Variants in DGKD observed in about 807,000 individuals in gnomAD.
DGKD encodes the protein DAG kinase delta.
A neutral mutation model predicts 154.4 loss-of-function variants in DGKD; 68 were observed. The observed-to-expected ratio is 0.44, with a 90% confidence interval of 0.36 to 0.54. The LOEUF (loss-of-function observed/expected upper bound fraction) is 0.54. DGKD is among the 20% of genes least tolerant of loss of function. The probability of loss-of-function intolerance (pLI) is 0.00; values close to 1 mark genes in which losing one functional copy is unlikely to be tolerated. For synonymous variants in DGKD, 693 were observed against 638.0 expected (o/e 1.09, Z -1.30); for missense variants, 1,343 against 1,593.6 (o/e 0.84, Z 2.68).
At chr2:233,414,870 G>T (rs1205411143) in intron 3 of DGKD, among the ~76,000 whole-genome samples, 1 of 152,148 alleles carries the variant, frequency 6.6e-6, no homozygotes, top group Non-Finnish European at 1.5e-5. Flanking sequence ...AACCATTTTT[G>T]TCTGTACACT....
chr2:233,457,627 G>A lies in DGKD; in HGVS notation c.2580+299G>A, dbSNP rs2063502483. On this transcript the variant is annotated intron_variant, in intron 21 of 29. Coordinates refer to ENST00000264057, the MANE Select transcript of DGKD (RefSeq NM_152879.3). The surrounding 1 kb of genome is among the most constrained non-coding windows in gnomAD (Gnocchi z 5.5). ...TCTGGGAGGCCAAGACCTGAAGGAT[G>A]AGTTGGAGTTGGCTAAGTTAGGTGG... 1.9e-6 allele frequency: 1 copy of A among 527,958 alleles called. No individual in the cohort carries two copies. Among genetic ancestry groups the A allele is most frequent in the Non-Finnish European group, 3.7e-6 (1 of 273,230 alleles). 32.7% of individuals were successfully genotyped at this position (527,958 alleles called of 1,614,324 possible). A position where few individuals can be genotyped will look rare whatever the true frequency, so the allele number is the denominator to read the frequency against.
At position 233,354,615 on chromosome 2, in the gene DGKD, C is replaced by T. The variant is rs867873568; in HGVS notation, c.97C>T (p.Pro33Ser). 2.2e-5 allele frequency: 25 copies of T among 1,128,620 alleles called. No individual in the cohort carries two copies. Among genetic ancestry groups the T allele is most frequent in the Non-Finnish European group, 2.5e-5 (23 of 904,470 alleles). The allele number at this position is 1,128,620 out of a possible 1,614,324, so 69.9% of individuals were successfully genotyped here. The change falls in exon 1 of 30, where the codon CCC becomes TCC. Residue 33 changes from proline to serine, a missense_variant. Transcript: ENST00000264057. This position sits in a 1 kb window ranked among gnomAD's most constrained non-coding sequence, Gnocchi z 4.8. ...GTCCGACAGCGAGCCCGAGGCGGAG[C>T]CCGGCTCCCCACAGAAGCTCATCCG... is the stretch of plus-strand genomic sequence containing the variant. Reference protein sequence around the residue: ...ESSDSEPEAEPGSPQKLIRKV... With the variant: ...ESSDSEPEAESGSPQKLIRKV...
rs1455114965 is a variant in DGKD, at chr2:233,449,429, C to T, written c.1888+53C>T. 6.5e-6 allele frequency: 10 copies of T among 1,542,682 alleles called. No homozygotes were observed. Among genetic ancestry groups the T allele is most frequent in the Non-Finnish European group, 8.8e-6 (10 of 1,139,184 alleles). On this transcript the variant is annotated intron_variant, in intron 15 of 29. Transcript: ENST00000264057. This position sits in a 1 kb window ranked among gnomAD's most constrained non-coding sequence, Gnocchi z 5.3. Reference sequence around the variant, plus strand: ...TTTCCTCAGGCCAGCACTGGGCATGCCCAGCGTCCCCTGAACACGGAGATG... The same window carrying T: ...TTTCCTCAGGCCAGCACTGGGCATGTCCAGCGTCCCCTGAACACGGAGATG...
At chr2:233,437,096 G>A (rs1375943358) in intron 7 of DGKD, among the ~76,000 whole-genome samples, 2 of 152,230 alleles carry the variant, frequency 1.3e-5, no homozygotes, top group Non-Finnish European at 2.9e-5. Flanking sequence ...AGCTGTGGTC[G>A]AAGGGCCAGA....
chr2:233,454,687 A>C (rs2063399274), intron 18 of DGKD, 76 bp from the exon 19 acceptor site: 1 of 839,926 alleles, frequency 1.2e-6, no homozygotes. Flanking sequence ...AGGAAGAGAA[A>C]TGCTGAGAGG....
At chr2:233,422,573 G>A (rs1455633628) in intron 3 of DGKD, among the ~76,000 whole-genome samples, 3 of 152,118 alleles carry the variant, frequency 2.0e-5, no homozygotes, top group East Asian at 1.9e-4. Flanking sequence ...TTTTCTTGGC[G>A]TCAGATGTTT....
intron 17 of DGKD, among the ~76,000 whole-genome samples, chr2:233,451,328 A>G (rs2063286179): frequency 6.6e-6 from 1 of 151,940 alleles, no homozygotes; most frequent in East Asian, 1.9e-4. Flanking sequence ...TGGAAGAATT[A>G]AGGAATTATC....
At chr2:233,390,291 G>T (rs1703512112) in intron 2 of DGKD, 112 bp from the exon 3 acceptor site, 2 of 668,702 alleles carry the variant, frequency 3.0e-6, no homozygotes, top group African/African-American at 1.8e-5. Context: ...AGGTACTGGG[G>T]CTTCTGTGGG....
intron 1 of DGKD, among the ~76,000 whole-genome samples, chr2:233,374,522 A>T (rs1331610183): frequency 2.6e-5 from 4 of 152,114 alleles, no homozygotes; most frequent in Non-Finnish European, 5.9e-5. Context: ...TTTTGTAGAG[A>T]TGGCATCTCA....
rs1308282773 is a variant in DGKD at position 233,457,268 on chromosome 2, C to A, written c.2520C>A (p.Val840=). The A allele has an allele frequency of 6.5e-7, 1 of 1,528,918 alleles. No individual in the cohort carries two copies. The allele number at this position is 1,528,918 out of a possible 1,614,324, so 94.7% of individuals were successfully genotyped here. A position where few individuals can be genotyped will look rare whatever the true frequency, so the allele number is the denominator to read the frequency against. The change falls in exon 21 of 30, where the codon GTC becomes GTA. Residue 840 remains valine (V), a synonymous_variant. Coordinates refer to ENST00000264057, the MANE Select transcript of DGKD (RefSeq NM_152879.3). The surrounding 1 kb of genome is among the most constrained non-coding windows in gnomAD (Gnocchi z 5.5). ...TCCCCAGTCTTCAGGGAATTGCTGT[C>A]CTTAACATTCCCAGCTATGCCGGAG... ...IPLPSLQGIA[V]LNIPSYAGGT... is the part of the protein sequence containing the mutation.
At chr2:233,402,440 G>C (rs761562345) in intron 3 of DGKD, among the ~76,000 whole-genome samples, 6 of 152,204 alleles carry the variant, frequency 3.9e-5, no homozygotes, top group Non-Finnish European at 5.9e-5. Flanking sequence ...TGTCTTGGCA[G>C]CTTAGGGTCC....
At chr2:233,468,813 G>A (rs765668135) in intron 29 of DGKD, among the ~76,000 whole-genome samples, 4 of 152,214 alleles carry the variant, frequency 2.6e-5, no homozygotes, top group Admixed American at 6.5e-5. Flanking sequence ...GACTGTCTTC[G>A]TGTTAAAAAC....
At chr2:233,383,418 A>G (rs1703004101) in intron 1 of DGKD, among the ~76,000 whole-genome samples, 1 of 151,482 alleles carries the variant, frequency 6.6e-6, no homozygotes. Context: ...TTTTTTTCCC[A>G]CCTTGGCTTT....
chr2:233,360,984 GTTTTTTTTTTTT>G (rs10580286), intron 1 of DGKD, among the ~76,000 whole-genome samples: 1 of 129,098 alleles, frequency 7.7e-6, no homozygotes, highest in African/African-American at 3.2e-5. Flanking sequence ...AGACAGTCAA[GTTTTTTTTTTTT>G]TTTTTTTTTT....
Position 233,470,859 on chromosome 2 carries a change from T to G in DGKD, c.*1399T>G, listed in dbSNP as rs1366388457. ...GGGAGTATCTGCCGTGGCTTCTCTT[T>G]GGCTCCCAAAGAGAAGGACAGTGTT... is the stretch of plus-strand genomic sequence containing the variant. On this transcript the variant is annotated 3_prime_UTR_variant, in exon 30 of 30. Transcript: ENST00000264057. 2 of 143,094 alleles carry G rather than the reference T, an allele frequency of 1.4e-5. No homozygotes were observed. The highest frequency in any genetic ancestry group is 1.4e-4 in the Admixed American group (2 of 14,178). The allele number at this position is 143,094 out of a possible 1,614,324, so 8.9% of individuals were successfully genotyped here. A position where few individuals can be genotyped will look rare whatever the true frequency, so the allele number is the denominator to read the frequency against.
At chr2:233,454,109 C>CTG (rs2124896042) in intron 18 of DGKD, among the ~76,000 whole-genome samples, 1 of 152,312 alleles carries the variant, frequency 6.6e-6, no homozygotes, top group South Asian at 2.1e-4. Flanking sequence ...CCCAGAGCTG[C>CTG]TGTGTGACCA....
At position 233,454,844 on chromosome 2, in the gene DGKD, C is replaced by A; in HGVS notation, c.2346C>A (p.Asn782Lys). The A allele has an allele frequency of 6.2e-7, 1 of 1,613,846 alleles. No individual in the cohort carries two copies. ...LDAKISLDFN[N>K]KRDEHPEKCR... ...CGAAGATATCCCTGGACTTTAACAA[C>A]AAGCGCGATGAGCACCCAGAGAAGT... is the stretch of plus-strand genomic sequence containing the variant. Residue 782 changes from asparagine to lysine, a missense_variant, in exon 19 of 30, where the codon AAC becomes AAA. Physicochemically the swap from Asn to Lys is moderately conservative, Grantham distance 94. This residue lies in a region of DGKD where 60 missense variants were observed against 112.4 expected (regional missense o/e 0.53). Transcript: ENST00000264057.
At chr2:233,417,335 C>T (rs944748316) in intron 3 of DGKD, among the ~76,000 whole-genome samples, 2 of 152,138 alleles carry the variant, frequency 1.3e-5, no homozygotes, top group East Asian at 3.9e-4. Flanking sequence ...GCCTAGCCCC[C>T]CTTGTGCATT....
chr2:233,405,987 C>T (rs1393003294), intron 3 of DGKD, among the ~76,000 whole-genome samples: 1 of 152,184 alleles, frequency 6.6e-6, no homozygotes, highest in African/African-American at 2.4e-5. Flanking sequence ...AAATGTAATT[C>T]TATCACATTC....
Sources: allele counts gnomAD v4.1 joint callset (sites outside exome capture counted in the v4.1 genomes callset), GRCh38; gene constraint gnomAD v4.1.1; regional missense constraint gnomAD v4.1.1; non-coding constraint Gnocchi (gnomAD v3.1); transcripts MANE v1.5; gene names NCBI Gene and HGNC (gene_info 2026-07-23, HGNC 2026-07-21).